The following MAGI2 variants were observed in gnomAD, a reference collection of about 807,000 sequenced individuals.
The protein encoded by MAGI2 is membrane-associated guanylate kinase, WW and PDZ domain-containing protein 2.
In MAGI2, 35 loss-of-function variants were observed where a neutral mutation model predicts 133.3. The ratio of observed to expected loss-of-function variants is 0.26; its 90% CI spans 0.20 to 0.35. The LOEUF is 0.35. Among genes scored for constraint, MAGI2 ranks in the 10% least tolerant of loss-of-function variants. MAGI2 has a pLI of 1.00. For missense variants in MAGI2, 1,636 were observed against 1,863.4 expected, an observed-to-expected ratio of 0.88 and a Z score of 2.25; for synonymous variants, 729 against 710.6, an observed-to-expected ratio of 1.03 and a Z score of -0.41.
At chr7:78,827,562 C>T (rs545691624) in intron 2 of MAGI2, among the ~76,000 whole-genome samples, 18 of 152,258 alleles carry the variant, frequency 1.2e-4, no homozygotes, top group African/African-American at 4.1e-4. Flanking sequence ...CATGGCGGCT[C>T]ACCATGGTGC....
chr7:78,281,433 C>CGCTTCACTGAGCACCTCTCCT (rs1228675879), intron 9 of MAGI2, among the ~76,000 whole-genome samples: 1 of 151,750 alleles, frequency 6.6e-6, no homozygotes, highest in African/African-American at 2.4e-5. Flanking sequence ...GACTCTTCCC[C>CGCTTCACTGAGCACCTCTCCT]GCTTCACTGA....
At chr7:79,199,614 T>G (rs10253270) in intron 1 of MAGI2, among the ~76,000 whole-genome samples, 1 of 151,884 alleles carries the variant, frequency 6.6e-6, no homozygotes, top group African/African-American at 2.4e-5. Flanking sequence ...TAAGTAAAAG[T>G]AAATCCTTTA....
rs1808100687 is a variant in MAGI2 at position 78,019,570 on chromosome 7, C to T, written c.4113G>A (p.Ala1371=). Residue 1371 remains alanine, a synonymous_variant, in exon 22 of 22, where the codon GCG becomes GCA. Coordinates refer to ENST00000354212, the MANE Select transcript of MAGI2 (RefSeq NM_012301.4). ...GCCGGCAGAGCTCGGAGCCCGCCGC[C>T]GCACGGGGCGCCTCCTTCCCGCCCG... ...ARAGGKEAPR[A]AAGSELCRRE... is the part of the protein sequence containing the mutation. 2 of 980,464 alleles carry T rather than the reference C, an allele frequency of 2.0e-6. No homozygotes were observed. The highest frequency in any genetic ancestry group is 2.4e-6 in the Non-Finnish European group (2 of 828,212). 60.7% of individuals were successfully genotyped at this position (980,464 alleles called of 1,614,324 possible). A position where few individuals can be genotyped will look rare whatever the true frequency, so the allele number is the denominator to read the frequency against.
chr7:79,092,696 T>C (rs1817170514), intron 1 of MAGI2, among the ~76,000 whole-genome samples: 1 of 152,184 alleles, frequency 6.6e-6, no homozygotes, highest in Non-Finnish European at 1.5e-5. Flanking sequence ...AACCAATAAT[T>C]ATTTTCTTTT....
intron 10 of MAGI2, among the ~76,000 whole-genome samples, chr7:78,216,855 G>T (rs1003049790): frequency 6.6e-6 from 1 of 152,166 alleles, no homozygotes; most frequent in South Asian, 2.1e-4. Context: ...ACTTCTTGGG[G>T]CTAGAAGTCT....
intron 10 of MAGI2, among the ~76,000 whole-genome samples, chr7:78,216,115 CCAT>C (rs1419535051): frequency 6.6e-6 from 1 of 152,146 alleles, no homozygotes; most frequent in African/African-American, 2.4e-5. Context: ...GCGTAATCTG[CCAT>C]CATGTTTTAA....
intron 2 of MAGI2, among the ~76,000 whole-genome samples, chr7:78,822,987 G>A (rs1790259104): frequency 6.6e-6 from 1 of 152,174 alleles, no homozygotes. Context: ...TTACTGAAGA[G>A]CCATGAACAA....
chr7:79,003,584 T>A (rs1373612342), intron 2 of MAGI2, among the ~76,000 whole-genome samples: 9 of 152,162 alleles, frequency 5.9e-5, no homozygotes, highest in Non-Finnish European at 1.3e-4. Flanking sequence ...CCAAGGAAAA[T>A]GTGTAACAAA....
At chr7:79,363,089 G>A (rs1218248681) in intron 1 of MAGI2, among the ~76,000 whole-genome samples, 1 of 151,594 alleles carries the variant, frequency 6.6e-6, no homozygotes, top group Non-Finnish European at 1.5e-5. Flanking sequence ...TGGTACTTGA[G>A]TTCAGCAAGG....
intron 1 of MAGI2, among the ~76,000 whole-genome samples, chr7:79,226,357 T>G (rs954865644): frequency 2.6e-5 from 4 of 152,088 alleles, no homozygotes; most frequent in Non-Finnish European, 5.9e-5. Flanking sequence ...TGCAAGGGAA[T>G]GTTTAGGCAC....
chr7:79,185,855 TC>T (rs1249003910), intron 1 of MAGI2, among the ~76,000 whole-genome samples: 1 of 151,706 alleles, frequency 6.6e-6, no homozygotes, highest in Admixed American at 6.6e-5. Flanking sequence ...TTGAAGCTCA[TC>T]CGTGACAGAA....
chr7:78,550,737 G>A lies in MAGI2; in HGVS notation c.539-29092C>T, dbSNP rs150153828. 6.4e-3 allele frequency among the ~76,000 whole-genome samples: 963 copies of A among 149,696 alleles called. 18 individuals are homozygous for A. Among genetic ancestry groups the A allele is most frequent in the East Asian group, 0.043 (219 of 5,122 alleles). ...AAACTCATGAGAGAATACTGTTAGTGTTGAGCATCCTCTGAACAGTTTTTT... is the reference window on the plus strand; with the variant it reads ...AAACTCATGAGAGAATACTGTTAGTATTGAGCATCCTCTGAACAGTTTTTT... On this transcript the variant is annotated intron_variant, in intron 3 of 21. Coordinates refer to ENST00000354212, the MANE Select transcript of MAGI2 (RefSeq NM_012301.4).
chr7:78,939,096 C>A (rs574646195), intron 2 of MAGI2, among the ~76,000 whole-genome samples: 1 of 152,240 alleles, frequency 6.6e-6, no homozygotes, highest in East Asian at 1.9e-4. Flanking sequence ...TGGGTTCAAG[C>A]AATTCTCCTG....
At chr7:78,217,474 G>A (rs998844221) in intron 10 of MAGI2, among the ~76,000 whole-genome samples, 3 of 152,272 alleles carry the variant, frequency 2.0e-5, no homozygotes, top group African/African-American at 7.2e-5. Flanking sequence ...TTTCTCTGTG[G>A]TGTATCTCTC....
At chr7:78,573,107 A>C (rs1285370528) in intron 3 of MAGI2, among the ~76,000 whole-genome samples, 1 of 109,566 alleles carries the variant, frequency 9.1e-6, no homozygotes, top group African/African-American at 3.4e-5. Flanking sequence ...AGAGATATAC[A>C]TATGGAGAGA....
At chr7:78,674,599 T>C (rs529519788) in intron 2 of MAGI2, among the ~76,000 whole-genome samples, 1 of 152,300 alleles carries the variant, frequency 6.6e-6, no homozygotes, top group Non-Finnish European at 1.5e-5. Context: ...GAATAAGAAA[T>C]TCTTTTGTTT....
chr7:78,750,130 T>C (rs1278312528), intron 2 of MAGI2, among the ~76,000 whole-genome samples: 1 of 152,134 alleles, frequency 6.6e-6, no homozygotes, highest in Non-Finnish European at 1.5e-5. Flanking sequence ...GAATATGCAG[T>C]GTTTGGTTTT....
rs1848330694 is a variant in MAGI2 at position 79,439,076 on chromosome 7, A to C, written c.301+13944T>G. ...CTCAGTTACCCCTTTCTTTGGCCTCATTGGTCTATATTTATTTTCCTACAC... is the reference window on the plus strand; with the variant it reads ...CTCAGTTACCCCTTTCTTTGGCCTCCTTGGTCTATATTTATTTTCCTACAC... On this transcript the variant is annotated intron_variant, in intron 1 of 21. Transcript: ENST00000354212. 2.0e-5 allele frequency among the ~76,000 whole-genome samples: 3 copies of C among 151,760 alleles called. No homozygotes were observed. The South Asian group carries it at 6.2e-4, about 31-fold the overall frequency.
intron 1 of MAGI2, among the ~76,000 whole-genome samples, chr7:79,381,435 A>G (rs1421425719): frequency 2.0e-5 from 3 of 151,706 alleles, no homozygotes; most frequent in Non-Finnish European, 4.4e-5. Context: ...GTATACTCTC[A>G]ATTTGATATA....
Sources: gnomAD v4.1 joint callset for allele counts (sites outside exome capture counted in the v4.1 genomes callset) on GRCh38, gnomAD v4.1.1 for gene constraint, MANE v1.5 for transcripts, NCBI Gene and HGNC (gene_info 2026-07-23, HGNC 2026-07-21) for gene names.